Variants in IRAK1BP1 observed in about 807,000 individuals in gnomAD.
IRAK1BP1 encodes interleukin 1 receptor associated kinase 1 binding protein 1, also known as interleukin-1 receptor-associated kinase 1-binding protein 1.
Under a neutral mutation model 28.0 loss-of-function variants are expected in IRAK1BP1, and 24 were observed. The ratio of observed to expected loss-of-function variants is 0.86; its 90% CI spans 0.62 to 1.20. The LOEUF is 1.20. Among genes scored for constraint, IRAK1BP1 ranks in the 50% most tolerant of loss-of-function variants. The pLI is 0.00. For synonymous variants in IRAK1BP1, 131 were observed against 116.3 expected, an observed-to-expected ratio of 1.13 and a Z score of -0.81; for missense variants, 336 against 316.7, an observed-to-expected ratio of 1.06 and a Z score of -0.46.
chr6:78,867,898 TCTCCGCGGGGGAGGA>T lies in IRAK1BP1; in HGVS notation c.315+8_315+22del, dbSNP rs921045591. On this transcript the variant is annotated splice_region_variant and intron_variant, in intron 1 of 3. Coordinates refer to ENST00000369940, the MANE Select transcript of IRAK1BP1 (RefSeq NM_001010844.4). ...CCAGCAGCAGGGCGTGCAGGTGAGA[TCTCCGCGGGGGAGGA>T]AATAAGAGCCGGAAGACACAAAAGG... 2 of 1,568,228 alleles carry T rather than the reference TCTCCGCGGGGGAGGA, an allele frequency of 1.3e-6. No individual in the cohort carries two copies. Among genetic ancestry groups the T allele is most frequent in the African/African-American group, 2.7e-5 (2 of 73,560 alleles).
the IRAK1BP1 span, among the ~76,000 whole-genome samples, chr6:78,954,592 C>A: frequency 2.6e-5 from 4 of 151,978 alleles, no homozygotes; most frequent in African/African-American, 7.3e-5. Context: ...CTAGTAGGAA[C>A]AGAATAACCC....
At chr6:78,930,065 G>T (rs180794136) in intron 4 of IRAK1BP1, among the ~76,000 whole-genome samples, 2 of 152,136 alleles carry the variant, frequency 1.3e-5, no homozygotes, top group East Asian at 3.9e-4. Context: ...GCCTCCGAGT[G>T]GTTGGGACTA....
At chr6:78,927,755 T>C (rs1168654653) in intron 4 of IRAK1BP1, among the ~76,000 whole-genome samples, 2 of 152,208 alleles carry the variant, frequency 1.3e-5, no homozygotes, top group Non-Finnish European at 2.9e-5. Flanking sequence ...TGCATATGAA[T>C]ATCCAGTTTT....
intron 1 of IRAK1BP1, among the ~76,000 whole-genome samples, chr6:78,876,041 T>C (rs1427979019): frequency 2.0e-5 from 3 of 152,160 alleles, no homozygotes; most frequent in African/African-American, 2.4e-5. Flanking sequence ...CCTATTGATA[T>C]GGTTTGGCTC....
chr6:78,921,621 G>T (rs1195856121), intron 4 of IRAK1BP1, among the ~76,000 whole-genome samples: 1 of 152,204 alleles, frequency 6.6e-6, no homozygotes, highest in Non-Finnish European at 1.5e-5. Flanking sequence ...GGGACAGACT[G>T]CCTCCTCAAG....
the IRAK1BP1 span, among the ~76,000 whole-genome samples, chr6:78,958,919 T>A: frequency 6.6e-6 from 1 of 152,104 alleles, no homozygotes; most frequent in East Asian, 1.9e-4. Context: ...AAGTTTTGGC[T>A]TTATGTATTT....
At chr6:78,951,323 T>C (rs1220089867), downstream of IRAK1BP1, among the ~76,000 whole-genome samples, 1 of 152,180 alleles carries the variant, frequency 6.6e-6, no homozygotes, top group Non-Finnish European at 1.5e-5. Context: ...CTCAATACAA[T>C]TCTGTTGAAT....
intron 4 of IRAK1BP1, among the ~76,000 whole-genome samples, chr6:78,914,530 C>T (rs2127663015): frequency 6.6e-6 from 1 of 152,280 alleles, no homozygotes; most frequent in Non-Finnish European, 1.5e-5. Context: ...GCATTATGTT[C>T]AGTGGAGCTG....
chr6:78,963,974 C>A, the IRAK1BP1 span, among the ~76,000 whole-genome samples: 27 of 152,272 alleles, frequency 1.8e-4, no homozygotes, highest in Non-Finnish European at 3.2e-4. Context: ...AGTAACCACC[C>A]TTCAATATAT....
At position 78,890,803 on chromosome 6, in the gene IRAK1BP1, C is replaced by T. The variant is rs367669913; in HGVS notation, c.381+5360C>T. ...CCTGGCCAAAAAACAATGAAGGAGA[C>T]GGTAATACAAGGACAAGCAGACAGG... On this transcript the variant is annotated intron_variant, in intron 2 of 3. Coordinates refer to ENST00000369940, the MANE Select transcript of IRAK1BP1 (RefSeq NM_001010844.4). Among the ~76,000 whole-genome samples the T allele has an allele frequency of 2.2e-4, 34 of 152,174 alleles. No individual in the cohort carries two copies. The East Asian group carries it at 3.7e-3, about 16-fold the overall frequency.
chr6:78,898,120 G>A lies in IRAK1BP1; in HGVS notation c.569G>A (p.Cys190Tyr). ...ENAWRKAQEV[C>Y]NLVGQTLGKP... is the part of the protein sequence containing the mutation. ...GCGTGGCGCAAAGCTCAAGAAGTCT[G>A]TAACCTTGTTGGCCAAACCTTAGGA... The change falls in exon 4 of 4, where the codon TGT (cysteine) becomes TAT (tyrosine). Residue 190 changes from cysteine (C) to tyrosine (Y), a missense_variant. Coordinates refer to ENST00000369940, the MANE Select transcript of IRAK1BP1 (RefSeq NM_001010844.4). 6.2e-7 allele frequency: 1 copy of A among 1,613,876 alleles called. No homozygotes were observed. The highest frequency in any genetic ancestry group is 1.1e-5 in the South Asian group (1 of 91,034).
intron 2 of IRAK1BP1, among the ~76,000 whole-genome samples, chr6:78,894,485 A>G (rs1771808613): frequency 6.6e-6 from 1 of 151,878 alleles, no homozygotes; most frequent in South Asian, 2.1e-4. Flanking sequence ...AAAGACAGTC[A>G]TTTCATAATG....
rs1172418288 is a variant in IRAK1BP1 at position 78,931,392 on chromosome 6, AAG to A, written c.*68-14008_*68-14007del. ...TGTGCCACTGCACTCCAGTCTGGGC[AAG>A]AGAGAGACCCTGTCTCAAAAAACAA... On this transcript the variant is annotated intron_variant and NMD_transcript_variant, in intron 4 of 4. Coordinates refer to the IRAK1BP1 transcript ENST00000606868. 4.6e-5 allele frequency among the ~76,000 whole-genome samples: 7 copies of A among 152,292 alleles called. No homozygotes were observed. The East Asian group carries it at 1.4e-3, about 29-fold the overall frequency.
chr6:78,913,063 C>T (rs181036070), intron 4 of IRAK1BP1, among the ~76,000 whole-genome samples: 3 of 152,066 alleles, frequency 2.0e-5, no homozygotes, highest in African/African-American at 7.2e-5. Context: ...TGGCCGGGTG[C>T]GGTAGCTCAC....
At chr6:78,918,066 C>T (rs1236711183) in intron 4 of IRAK1BP1, among the ~76,000 whole-genome samples, 1 of 152,138 alleles carries the variant, frequency 6.6e-6, no homozygotes, top group Non-Finnish European at 1.5e-5. Context: ...GGATCAAAAC[C>T]TCACATATCT....
Position 78,888,707 on chromosome 6 carries a change from T to C in IRAK1BP1, c.381+3264T>C, listed in dbSNP as rs562387015. On this transcript the variant is annotated intron_variant, in intron 2 of 3. Transcript: ENST00000369940. The stretch of plus-strand genomic sequence containing the variant: ...TTATAGTAGAGATGGGATTTCACCA[T>C]GTTGGCCAGGCTGGTCTGGCCAACT... Among the ~76,000 whole-genome samples, 8 of 152,190 alleles carry C rather than the reference T, an allele frequency of 5.3e-5. No individual in the cohort carries two copies. In the East Asian group the frequency reaches 1.6e-3, roughly 30 times the overall value.
At chr6:78,977,040 G>T in the IRAK1BP1 span, among the ~76,000 whole-genome samples, 83 of 109,372 alleles carry the variant, frequency 7.6e-4, no homozygotes, top group South Asian at 2.1e-3. Context: ...ATACCCAAAG[G>T]ACTATAAATC....
intron 4 of IRAK1BP1, chr6:78,940,916 T>C (rs1773468704): frequency 6.2e-7 from 1 of 1,613,576 alleles, no homozygotes; most frequent in Admixed American, 1.7e-5. Context: ...ATCTATAGGA[T>C]CATCTATCTT....
intron 1 of IRAK1BP1, among the ~76,000 whole-genome samples, chr6:78,868,941 A>G (rs916084530): frequency 1.3e-5 from 2 of 152,198 alleles, no homozygotes; most frequent in African/African-American, 2.4e-5. Flanking sequence ...AAGAAATTCC[A>G]TACCCCGAAA....
Sources: gnomAD v4.1 joint callset for allele counts (sites outside exome capture counted in the v4.1 genomes callset) on GRCh38, gnomAD v4.1.1 for gene constraint, MANE v1.5 for transcripts, NCBI Gene and HGNC (gene_info 2026-07-23, HGNC 2026-07-21) for gene names.